Variants in PSME4 observed in about 807,000 individuals in gnomAD.
The protein encoded by PSME4 is proteasome activator complex subunit 4.
A neutral mutation model predicts 253.9 loss-of-function variants in PSME4; 89 were observed. The ratio of observed to expected loss-of-function variants is 0.35; its 90% CI spans 0.30 to 0.42. The LOEUF (loss-of-function observed/expected upper bound fraction) is 0.42. Ranked by LOEUF, PSME4 falls within the 10% of genes least tolerant of loss-of-function variation. The pLI is 1.00. For synonymous variants in PSME4, 851 were observed against 759.2 expected, an observed-to-expected ratio of 1.12 and a Z score of -1.99; for missense variants, 2,014 against 2,195.2, an observed-to-expected ratio of 0.92 and a Z score of 1.65.
intron 6 of PSME4, 46 bp from the exon 7 acceptor site, chr2:53,936,207 G>T (rs1167647847): frequency 2.6e-5 from 42 of 1,608,062 alleles, no homozygotes; most frequent in Non-Finnish European, 3.2e-5. Context: ...TGTTGTTATT[G>T]TTTAAGTGTC....
intron 44 of PSME4, among the ~76,000 whole-genome samples, chr2:53,868,234 A>AT: frequency 6.6e-6 from 1 of 151,598 alleles, no homozygotes; most frequent in African/African-American, 2.4e-5. Context: ...AGGTGGGTGG[A>AT]TCACTTGAGG....
chr2:53,883,010 C>A (rs1273167062), intron 41 of PSME4, among the ~76,000 whole-genome samples: 1 of 151,794 alleles, frequency 6.6e-6, no homozygotes, highest in Admixed American at 6.6e-5. Context: ...ATATGTGCTG[C>A]TTTTATAAAC....
intron 12 of PSME4, 109 bp from the exon 13 acceptor site, chr2:53,926,132 A>G (rs575155082): frequency 1.3e-6 from 1 of 784,850 alleles, no homozygotes; most frequent in Non-Finnish European, 2.1e-6. Context: ...AAACCATTAT[A>G]TTGGGTACTA....
At chr2:53,920,434 A>C in intron 18 of PSME4, 84 bp from the exon 19 acceptor site, 1 of 1,311,300 alleles carries the variant, frequency 7.6e-7, no homozygotes, top group Non-Finnish European at 1.0e-6. Context: ...CAATTTTTAA[A>C]ATTTAAAAGA....
At chr2:53,913,493 A>G (rs529122902) in intron 20 of PSME4, among the ~76,000 whole-genome samples, 2 of 152,218 alleles carry the variant, frequency 1.3e-5, no homozygotes, top group Non-Finnish European at 2.9e-5. Flanking sequence ...CTTCCTGTGT[A>G]TAAGTGAAAG....
intron 41 of PSME4, among the ~76,000 whole-genome samples, chr2:53,876,266 G>T (rs759535815): frequency 2.0e-5 from 3 of 151,798 alleles, no homozygotes; most frequent in African/African-American, 7.3e-5. Context: ...ATTCCCCCCC[G>T]CAACTATCTT....
intron 20 of PSME4, among the ~76,000 whole-genome samples, chr2:53,914,691 GC>G (rs1667977114): frequency 6.6e-6 from 1 of 152,044 alleles, no homozygotes; most frequent in Admixed American, 6.5e-5. Flanking sequence ...GACCAGCCCA[GC>G]CAAGATGGTG....
intron 1 of PSME4, among the ~76,000 whole-genome samples, chr2:53,970,302 GAGA>G (rs1413899026): frequency 6.6e-6 from 1 of 152,196 alleles, no homozygotes; most frequent in Non-Finnish European, 1.5e-5. Context: ...AACACTTCGG[GAGA>G]AGCAGATGCG....
chr2:53,911,504 T>A (rs2104443821), intron 20 of PSME4, among the ~76,000 whole-genome samples: 1 of 152,298 alleles, frequency 6.6e-6, no homozygotes, highest in East Asian at 1.9e-4. Context: ...ATGAACGTTA[T>A]GTCTTTACTG....
chr2:53,930,794 G>C (rs1668795346), intron 10 of PSME4, among the ~76,000 whole-genome samples: 1 of 152,120 alleles, frequency 6.6e-6, no homozygotes, highest in South Asian at 2.1e-4. Context: ...TACCACTAGG[G>C]ACCTTGGACA....
chr2:53,903,302 T>A (rs1231590247), intron 27 of PSME4, among the ~76,000 whole-genome samples: 1 of 152,178 alleles, frequency 6.6e-6, no homozygotes, highest in African/African-American at 2.4e-5. Flanking sequence ...CTCTCTCTGA[T>A]GTGCCCAGCA....
chr2:53,941,912 C>T (rs184460782), intron 3 of PSME4, among the ~76,000 whole-genome samples: 4 of 152,158 alleles, frequency 2.6e-5, no homozygotes, highest in East Asian at 3.9e-4. Flanking sequence ...ATGTCATAAA[C>T]GATTCTAGAA....
At chr2:53,943,958 G>T (rs1450662332) in intron 3 of PSME4, among the ~76,000 whole-genome samples, 1 of 151,616 alleles carries the variant, frequency 6.6e-6, no homozygotes, top group Non-Finnish European at 1.5e-5. Flanking sequence ...TACTTTTAGG[G>T]CAAGGGTTAG....
chr2:53,922,997 GA>G (rs1668393338), intron 16 of PSME4, 51 bp downstream of exon 16: 1 of 1,345,566 alleles, frequency 7.4e-7, no homozygotes, highest in Non-Finnish European at 1.0e-6. Flanking sequence ...TAGAAACCAA[GA>G]AAAAAACTTA....
rs1175141238 is a variant in PSME4, at chr2:53,938,607, G to A, written c.546-1067C>T. ...CTACAGGAGAGCACCACCGCACCCA[G>A]CCTTAAGAGGTTTAAAATACAAACA... On this transcript the variant is annotated intron_variant, in intron 4 of 46. Coordinates refer to ENST00000404125, the MANE Select transcript of PSME4 (RefSeq NM_014614.3). Among the ~76,000 whole-genome samples, 5 of 151,620 alleles carry A rather than the reference G, an allele frequency of 3.3e-5. No individual in the cohort carries two copies. In the East Asian group the frequency reaches 9.7e-4, roughly 29 times the overall value.
intron 1 of PSME4, among the ~76,000 whole-genome samples, chr2:53,952,657 C>A (rs1400500067): frequency 1.3e-5 from 2 of 152,218 alleles, no homozygotes; most frequent in African/African-American, 4.8e-5. Context: ...AGCCAGCAGT[C>A]CCCAACCTTT....
chr2:53,963,466 T>G (rs763090095), intron 1 of PSME4, among the ~76,000 whole-genome samples: 9 of 152,184 alleles, frequency 5.9e-5, no homozygotes, highest in Non-Finnish European at 8.8e-5. Flanking sequence ...CAAAGAAGAT[T>G]GATGTCTGCC....
chr2:53,884,534 T>G (rs1009313066), intron 41 of PSME4, among the ~76,000 whole-genome samples: 1 of 152,218 alleles, frequency 6.6e-6, no homozygotes, highest in Non-Finnish European at 1.5e-5. Context: ...TCTAATGATA[T>G]AAGTTTTTTC....
chr2:53,886,424 A>G (rs1455973206), intron 40 of PSME4, among the ~76,000 whole-genome samples: 1 of 152,258 alleles, frequency 6.6e-6, no homozygotes, highest in Non-Finnish European at 1.5e-5. Context: ...ATATTTCTCC[A>G]AACAAGAAAT....
Sources: allele counts gnomAD v4.1 joint callset (sites outside exome capture counted in the v4.1 genomes callset), GRCh38; gene constraint gnomAD v4.1.1; transcripts MANE v1.5; gene names NCBI Gene and HGNC (gene_info 2026-07-23, HGNC 2026-07-21).